Variants in SMAD4 observed in about 807,000 individuals in gnomAD.
SMAD4 encodes the protein MAD homolog 4.
SMAD4 carries 7 observed loss-of-function variants against 63.2 expected under a neutral mutation model. The observed-to-expected ratio is 0.11, with a 90% confidence interval of 0.06 to 0.21. SMAD4 has a LOEUF of 0.21. Among genes scored for constraint, SMAD4 ranks in the 10% least tolerant of loss-of-function variants. SMAD4 has a pLI of 1.00. For missense variants in SMAD4, 312 were observed against 693.8 expected, an observed-to-expected ratio of 0.45 and a Z score of 6.18; for synonymous variants, 215 against 235.4, an observed-to-expected ratio of 0.91 and a Z score of 0.79.
At chr18:51,069,720 C>T (rs960579991) in intron 10 of SMAD4, among the ~76,000 whole-genome samples, 4 of 152,134 alleles carry the variant, frequency 2.6e-5, no homozygotes, top group South Asian at 4.1e-4. Flanking sequence ...TTTTCCCTGC[C>T]GTGGGCAAAT....
intron 1 of SMAD4, among the ~76,000 whole-genome samples, chr18:51,032,152 A>G (rs776601877): frequency 1.3e-5 from 2 of 152,246 alleles, no homozygotes; most frequent in Non-Finnish European, 2.9e-5. Flanking sequence ...AAGTTGTTGG[A>G]ATTAAAACTA....
At chr18:51,075,144 GT>G (rs1267193624) in intron 10 of SMAD4, among the ~76,000 whole-genome samples, 1 of 152,206 alleles carries the variant, frequency 6.6e-6, no homozygotes, top group Non-Finnish European at 1.5e-5. Flanking sequence ...ATTGGGAAAA[GT>G]TTTTTGAGGA....
At chr18:51,041,978 C>A (rs1283428669) in intron 1 of SMAD4, among the ~76,000 whole-genome samples, 1 of 152,156 alleles carries the variant, frequency 6.6e-6, no homozygotes, top group Non-Finnish European at 1.5e-5. Context: ...ATACCTACTT[C>A]TTTTAGCATT....
intron 6 of SMAD4, 38 bp downstream of exon 6, chr18:51,058,282 G>C (rs201228894): frequency 6.2e-7 from 1 of 1,610,976 alleles, no homozygotes; most frequent in East Asian, 2.2e-5. Context: ...AAATAGTTGA[G>C]AAAAAAGTAG....
chr18:51,072,950 A>C (rs1182512494), intron 10 of SMAD4, among the ~76,000 whole-genome samples: 4 of 152,198 alleles, frequency 2.6e-5, no homozygotes, highest in African/African-American at 9.6e-5. Context: ...ATCCGTTATC[A>C]ATGGATTAGT....
At chr18:51,071,275 C>T (rs1402836939) in intron 10 of SMAD4, among the ~76,000 whole-genome samples, 1 of 152,034 alleles carries the variant, frequency 6.6e-6, no homozygotes, top group African/African-American at 2.4e-5. Context: ...TACACACACA[C>T]ACACATACAC....
chr18:51,031,780 A>C (rs1787110), intron 1 of SMAD4, among the ~76,000 whole-genome samples: 4 of 152,270 alleles, frequency 2.6e-5, no homozygotes, highest in Non-Finnish European at 4.4e-5. Flanking sequence ...ATTTAGAACA[A>C]GGCATTTGAA....
chr18:51,056,086 A>G (rs1215624346), intron 5 of SMAD4, among the ~76,000 whole-genome samples: 1 of 152,210 alleles, frequency 6.6e-6, no homozygotes, highest in Non-Finnish European at 1.5e-5. Flanking sequence ...TAGGTTAAGC[A>G]CTTGAGAACC....
chr18:51,071,264 A>T (rs1910307154), intron 10 of SMAD4, among the ~76,000 whole-genome samples: 1 of 152,054 alleles, frequency 6.6e-6, no homozygotes, highest in Admixed American at 6.6e-5. Flanking sequence ...GTGCATGCAC[A>T]TACACACACA....
intron 1 of SMAD4, among the ~76,000 whole-genome samples, chr18:51,034,244 C>T (rs547485134): frequency 3.4e-4 from 46 of 134,506 alleles, no homozygotes; most frequent in African/African-American, 1.0e-3. Flanking sequence ...TCTTTTTCTT[C>T]TTTTTCTTTT....
In SMAD4 at chr18:51,058,391, T is replaced by G; in HGVS notation, c.839T>G (p.Leu280Trp). The change falls in exon 7 of 12, where the codon TTG becomes TGG. Residue 280 changes from leucine to tryptophan, a missense_variant. Physicochemically the swap from Leu to Trp is moderately conservative, Grantham distance 61 (BLOSUM62 -2). Coordinates refer to ENST00000342988, the MANE Select transcript of SMAD4 (RefSeq NM_005359.6). ...GSRTAPYTPN[L>W]PHHQNGHLQH... ...AGGACTGCACCATACACACCTAATT[T>G]GCCTCACCACCAAAACGGCCATCTT... The G allele has an allele frequency of 1.2e-6, 2 of 1,613,962 alleles. No individual in the cohort carries two copies. The highest frequency in any genetic ancestry group is 1.7e-6 in the Non-Finnish European group (2 of 1,180,002).
chr18:51,065,245 A>G lies in SMAD4; in HGVS notation c.956-178A>G, dbSNP rs116489656. Among the ~76,000 whole-genome samples the G allele has an allele frequency of 7.2e-3, 1,089 of 152,302 alleles. 10 individuals carry two copies. Among genetic ancestry groups the G allele is most frequent in the African/African-American group, 0.025 (1,030 of 41,554 alleles). On this transcript the variant is annotated intron_variant, in intron 8 of 11. Transcript: ENST00000342988. The stretch of plus-strand genomic sequence containing the variant: ...AGTACTGAGCTAGAAAATAGAAGAC[A>G]TGGAAATTCCTACCTTTTAATGCAT...
chr18:51,036,898 C>A (rs1044619108), intron 1 of SMAD4, among the ~76,000 whole-genome samples: 1 of 152,226 alleles, frequency 6.6e-6, no homozygotes, highest in Non-Finnish European at 1.5e-5. Flanking sequence ...TGACTCACGC[C>A]TGTAATCTCA....
At chr18:51,031,609 C>G (rs749754693) in intron 1 of SMAD4, among the ~76,000 whole-genome samples, 20 of 152,060 alleles carry the variant, frequency 1.3e-4, no homozygotes, top group Admixed American at 9.2e-4. Context: ...ATAATCTTAG[C>G]TAATTTTTGT....
Position 51,083,920 on chromosome 18 carries a change from A to G in SMAD4, c.*5453A>G, listed in dbSNP as rs978024109. On this transcript the variant is annotated 3_prime_UTR_variant, in exon 12 of 12. Coordinates refer to ENST00000342988, the MANE Select transcript of SMAD4 (RefSeq NM_005359.6). The stretch of plus-strand genomic sequence containing the variant: ...TGTTCTTTTATGGACAAAAGGTTAC[A>G]TAGTATGCCCTTAAGACTTAATTTT... 4.3e-6 allele frequency: 1 copy of G among 231,318 alleles called. No homozygotes were observed. Among genetic ancestry groups the G allele is most frequent in the Non-Finnish European group, 8.6e-6 (1 of 116,808 alleles). 14.3% of individuals were successfully genotyped at this position (231,318 alleles called of 1,614,324 possible). A position where few individuals can be genotyped will look rare whatever the true frequency, so the allele number is the denominator to read the frequency against.
intron 4 of SMAD4, chr18:51,052,256 A>G (rs1909732097): frequency 6.6e-6 from 1 of 152,556 alleles, no homozygotes; most frequent in Non-Finnish European, 1.5e-5. Context: ...TTCTCATGAT[A>G]CTTCTACATG....
In SMAD4 at chr18:51,041,129, A is replaced by G. The variant is rs148945169; in HGVS notation, c.-127-5791A>G. The stretch of plus-strand genomic sequence containing the variant: ...CCGCTTTTCTGGTAATTGTTTCCTA[A>G]CTGGTTTTCTATTTCCTTTTCCAAA... On this transcript the variant is annotated intron_variant, in intron 1 of 11. Transcript: ENST00000342988. Among the ~76,000 whole-genome samples, 988 of 152,178 alleles carry G rather than the reference A, an allele frequency of 6.5e-3. 13 individuals are homozygous for G. Among genetic ancestry groups the G allele is most frequent in the African/African-American group, 0.022 (909 of 41,512 alleles).
At chr18:51,075,511 C>T (rs1910449453) in intron 10 of SMAD4, among the ~76,000 whole-genome samples, 1 of 152,152 alleles carries the variant, frequency 6.6e-6, no homozygotes, top group Non-Finnish European at 1.5e-5. Flanking sequence ...AGCAGCCTTG[C>T]TTCAGAACCT....
Position 51,048,709 on chromosome 18 carries a change from T to C in SMAD4, c.273T>C (p.Pro91=), listed in dbSNP as rs2144405205. ...RLQVAGRKGF[P]HVIYARLWRW... ...AGGTGGCTGGTCGGAAAGGATTTCCTCATGTGATCTATGCCCGTCTCTGGA... is the reference window on the plus strand; with the variant it reads ...AGGTGGCTGGTCGGAAAGGATTTCCCCATGTGATCTATGCCCGTCTCTGGA... The change falls in exon 3 of 12, where the codon CCT becomes CCC. Residue 91 remains proline, a synonymous_variant. Transcript: ENST00000342988. 6.2e-7 allele frequency: 1 copy of C among 1,612,894 alleles called. No individual in the cohort carries two copies. Among genetic ancestry groups the C allele is most frequent in the Non-Finnish European group, 8.5e-7 (1 of 1,179,218 alleles).
Sources: allele counts gnomAD v4.1 joint callset (sites outside exome capture counted in the v4.1 genomes callset), GRCh38; gene constraint gnomAD v4.1.1; transcripts MANE v1.5; gene names NCBI Gene and HGNC (gene_info 2026-07-23, HGNC 2026-07-21).